Variants in EFCAB6 observed in about 807,000 individuals in gnomAD.
The protein encoded by EFCAB6 is EF-hand calcium binding domain 6.
In EFCAB6, 156 loss-of-function variants were observed where a neutral mutation model predicts 169.8. The observed-to-expected ratio is 0.92, with a 90% CI of 0.81 to 1.05. The LOEUF (loss-of-function observed/expected upper bound fraction) is 1.05, where lower values mean the gene tolerates loss of function less well. Among genes scored for constraint, EFCAB6 ranks in the 50% least tolerant of loss-of-function variants. The pLI, the probability that EFCAB6 is intolerant of heterozygous loss-of-function variation, is 0.00. For missense variants in EFCAB6, 1,800 were observed against 1,829.1 expected (o/e 0.98, Z 0.29); for synonymous variants, 698 against 676.4 (o/e 1.03, Z -0.50).
At chr22:43,675,486 T>TAA (rs2057711348) in intron 13 of EFCAB6, among the ~76,000 whole-genome samples, 2 of 141,228 alleles carry the variant, frequency 1.4e-5, no homozygotes, top group Admixed American at 7.4e-5. Context: ...ATATGTAATA[T>TAA]TATATAATAT....
chr22:43,801,115 A>G (rs1478715335), intron 2 of EFCAB6, among the ~76,000 whole-genome samples: 1 of 152,228 alleles, frequency 6.6e-6, no homozygotes, highest in African/African-American at 2.4e-5. Context: ...AGGTGCTCCC[A>G]TTCATCTGGC....
In EFCAB6 at chr22:43,640,260, A is replaced by G. The variant is rs190651192; in HGVS notation, c.1984-5044T>C. Among the ~76,000 whole-genome samples, 172 of 152,302 alleles carry G rather than the reference A, an allele frequency of 1.1e-3. 1 individual carries two copies. Among genetic ancestry groups the G allele is most frequent in the Non-Finnish European group, 2.1e-3 (142 of 68,024 alleles). On this transcript the variant is annotated intron_variant, in intron 17 of 31. Coordinates refer to ENST00000262726, the MANE Select transcript of EFCAB6 (RefSeq NM_022785.4). Reference sequence around the variant, plus strand: ...CTGTTGTAGTTCTCCAAAGAGTGACATGTTTTATGTCTACATATGTTATAA... The same window carrying G: ...CTGTTGTAGTTCTCCAAAGAGTGACGTGTTTTATGTCTACATATGTTATAA...
intron 2 of EFCAB6, among the ~76,000 whole-genome samples, chr22:43,784,898 A>G (rs2062022641): frequency 6.6e-6 from 1 of 151,380 alleles, no homozygotes; most frequent in African/African-American, 2.4e-5. Flanking sequence ...TTTTAAAAAG[A>G]AAGAAACAAA....
chr22:43,753,498 C>T (rs916244265), intron 6 of EFCAB6, among the ~76,000 whole-genome samples: 2 of 152,144 alleles, frequency 1.3e-5, no homozygotes, highest in Admixed American at 1.3e-4. Flanking sequence ...CCCATGAAGC[C>T]ATGGGACACA....
At chr22:43,653,352 A>C (rs931470184) in intron 17 of EFCAB6, among the ~76,000 whole-genome samples, 6 of 152,260 alleles carry the variant, frequency 3.9e-5, no homozygotes, top group Admixed American at 6.5e-5. Context: ...ATACCCAATA[A>C]GATACATGGT....
intron 24 of EFCAB6, among the ~76,000 whole-genome samples, chr22:43,584,074 G>A (rs2050900463): frequency 6.6e-6 from 1 of 152,116 alleles, no homozygotes; most frequent in Non-Finnish European, 1.5e-5. Context: ...TCAAGTTTTA[G>A]AATCAACCTA....
chr22:43,789,958 G>C (rs559563408), intron 2 of EFCAB6, among the ~76,000 whole-genome samples: 1 of 151,976 alleles, frequency 6.6e-6, no homozygotes, highest in African/African-American at 2.4e-5. Flanking sequence ...GATGGATGTG[G>C]ATGGCACTAT....
At chr22:43,613,214 A>G (rs2053447671) in intron 21 of EFCAB6, among the ~76,000 whole-genome samples, 1 of 148,554 alleles carries the variant, frequency 6.7e-6, no homozygotes, top group Non-Finnish European at 1.5e-5. Flanking sequence ...TTATAGAAAT[A>G]TATTTGTTAC....
chr22:43,729,267 T>C (rs894344551), intron 8 of EFCAB6, among the ~76,000 whole-genome samples: 13 of 152,158 alleles, frequency 8.5e-5, no homozygotes, highest in Non-Finnish European at 1.8e-4. Context: ...CATTTCTTTC[T>C]TTTTTTAAAT....
At chr22:43,597,659 G>A (rs1395299468) in intron 23 of EFCAB6, among the ~76,000 whole-genome samples, 1 of 152,186 alleles carries the variant, frequency 6.6e-6, no homozygotes, top group Non-Finnish European at 1.5e-5. Context: ...GTACAGTACT[G>A]TGAAACACAG....
chr22:43,626,806 CT>C, intron 19 of EFCAB6, 127 bp from the exon 20 acceptor site: 2 of 777,768 alleles, frequency 2.6e-6, no homozygotes, highest in Non-Finnish European at 4.2e-6. Flanking sequence ...CCAACTATTG[CT>C]TTTAGAGACT....
At chr22:43,757,487 C>T (rs933995112) in intron 5 of EFCAB6, among the ~76,000 whole-genome samples, 6 of 152,142 alleles carry the variant, frequency 3.9e-5, no homozygotes, top group South Asian at 2.1e-4. Context: ...GCAGAGGTTG[C>T]GGTGAGCCGA....
intron 25 of EFCAB6, among the ~76,000 whole-genome samples, chr22:43,577,534 A>G (rs1403126864): frequency 1.3e-5 from 2 of 152,152 alleles, no homozygotes; most frequent in African/African-American, 4.8e-5. Flanking sequence ...GCCCACCATA[A>G]GTCCTGAACC....
chr22:43,719,911 T>C (rs986535084), intron 8 of EFCAB6, among the ~76,000 whole-genome samples: 13 of 152,142 alleles, frequency 8.5e-5, no homozygotes, highest in African/African-American at 3.1e-4. Flanking sequence ...ATGACAGAAA[T>C]CAGGAGCAAA....
At chr22:43,677,471 C>G (rs1392479309) in intron 13 of EFCAB6, among the ~76,000 whole-genome samples, 1 of 152,094 alleles carries the variant, frequency 6.6e-6, no homozygotes, top group East Asian at 1.9e-4. Context: ...CATGGTGAAA[C>G]CCTGTCTCTA....
intron 11 of EFCAB6, among the ~76,000 whole-genome samples, chr22:43,684,360 T>G (rs947404025): frequency 6.6e-6 from 1 of 152,122 alleles, no homozygotes; most frequent in Non-Finnish European, 1.5e-5. Flanking sequence ...TTTCCCTCTA[T>G]GGCCTCTTTC....
chr22:43,596,169 T>C (rs2051988983), intron 23 of EFCAB6, among the ~76,000 whole-genome samples: 1 of 152,066 alleles, frequency 6.6e-6, no homozygotes, highest in African/African-American at 2.4e-5. Flanking sequence ...TGAAAGTCTT[T>C]ACACTAAGAT....
At chr22:43,671,510 G>A (rs984695776) in intron 15 of EFCAB6, among the ~76,000 whole-genome samples, 1 of 152,174 alleles carries the variant, frequency 6.6e-6, no homozygotes, top group African/African-American at 2.4e-5. Context: ...TTTAACTGTT[G>A]CAACTCACAC....
chr22:43,669,715 G>A (rs1215546435), intron 15 of EFCAB6, among the ~76,000 whole-genome samples: 1 of 152,134 alleles, frequency 6.6e-6, no homozygotes, highest in Non-Finnish European at 1.5e-5. Flanking sequence ...AATGTGTGCA[G>A]AGTATTGTAT....
Sources: allele counts gnomAD v4.1 joint callset (sites outside exome capture counted in the v4.1 genomes callset), GRCh38; gene constraint gnomAD v4.1.1; transcripts MANE v1.5; gene names NCBI Gene and HGNC (gene_info 2026-07-23, HGNC 2026-07-21).